Variants in PCSK5 observed in about 807,000 individuals in gnomAD.
PCSK5 encodes proprotein convertase subtilisin/kexin type 5, also known as prohormone convertase 5.
Under a neutral mutation model 233.2 loss-of-function variants are expected in PCSK5, and 129 were observed. The ratio of observed to expected loss-of-function variants is 0.55; its 90% confidence interval spans 0.48 to 0.64. The LOEUF (loss-of-function observed/expected upper bound fraction) is 0.64. Ranked by LOEUF, PCSK5 falls within the 30% of genes least tolerant of loss-of-function variation. PCSK5 has a pLI of 0.00. For missense variants in PCSK5, 2,076 were observed against 2,430.1 expected (o/e 0.85, Z 3.06); for synonymous variants, 825 against 879.2 (o/e 0.94, Z 1.09).
intron 24 of PCSK5, among the ~76,000 whole-genome samples, chr9:76,262,243 C>G (rs974932429): frequency 2.0e-4 from 30 of 152,104 alleles, no homozygotes; most frequent in Non-Finnish European, 2.9e-5. Context: ...ATCAAGCTAC[C>G]AATGACTTTC....
At chr9:76,302,068 G>A in intron 27 of PCSK5, 69 bp from the exon 28 acceptor site, 3 of 681,544 alleles carry the variant, frequency 4.4e-6, no homozygotes, top group South Asian at 3.3e-5. Context: ...GGGTTTATAG[G>A]TGAAGTTTAT....
At chr9:76,089,720 A>G (rs1220152436) in intron 7 of PCSK5, among the ~76,000 whole-genome samples, 3 of 152,208 alleles carry the variant, frequency 2.0e-5, no homozygotes, top group Non-Finnish European at 4.4e-5. Context: ...AATAAAACCT[A>G]ACTGCACTGA....
At chr9:76,172,797 G>A (rs7872197) in intron 13 of PCSK5, among the ~76,000 whole-genome samples, 7 of 152,228 alleles carry the variant, frequency 4.6e-5, no homozygotes, top group East Asian at 1.9e-4. Context: ...TCCCTAATGC[G>A]TGTTACTTAG....
At chr9:76,021,313 C>CAG (rs1348828718) in intron 3 of PCSK5, among the ~76,000 whole-genome samples, 1 of 151,722 alleles carries the variant, frequency 6.6e-6, no homozygotes, top group African/African-American at 2.4e-5. Flanking sequence ...TTGCATAGAA[C>CAG]AGAGAGAGAG....
intron 21 of PCSK5, among the ~76,000 whole-genome samples, chr9:76,229,382 C>T (rs1826003542): frequency 6.6e-6 from 1 of 152,182 alleles, no homozygotes; most frequent in African/African-American, 2.4e-5. Context: ...TCCTTAAAGA[C>T]AATTAAAAAC....
intron 10 of PCSK5, among the ~76,000 whole-genome samples, chr9:76,150,669 GA>G (rs1377433147): frequency 6.6e-6 from 1 of 152,114 alleles, no homozygotes; most frequent in Non-Finnish European, 1.5e-5. Flanking sequence ...CCAGGCAGCA[GA>G]ACACAGGTGC....
At chr9:76,164,944 A>G (rs1210323150) in intron 12 of PCSK5, among the ~76,000 whole-genome samples, 1 of 152,022 alleles carries the variant, frequency 6.6e-6, no homozygotes, top group Admixed American at 6.5e-5. Context: ...TTTTACCAAA[A>G]AAAAAAAAAC....
intron 8 of PCSK5, among the ~76,000 whole-genome samples, chr9:76,101,061 G>C (rs941907502): frequency 6.6e-6 from 1 of 151,984 alleles, no homozygotes; most frequent in Non-Finnish European, 1.5e-5. Flanking sequence ...TCCTTTACCC[G>C]GTTCAATTTT....
At chr9:76,296,570 G>T in intron 26 of PCSK5, 95 bp from the exon 27 acceptor site, 1 of 742,518 alleles carries the variant, frequency 1.3e-6, no homozygotes, top group South Asian at 1.7e-5. Context: ...CAAATGCAAA[G>T]AAAAATGTCC....
intron 17 of PCSK5, among the ~76,000 whole-genome samples, chr9:76,186,559 G>A (rs138609777): frequency 3.2e-3 from 490 of 152,220 alleles, no homozygotes; most frequent in African/African-American, 0.011. Flanking sequence ...CATTAGCCTC[G>A]CAGTACCTGT....
intron 9 of PCSK5, among the ~76,000 whole-genome samples, chr9:76,110,211 C>G (rs1458662671): frequency 1.3e-5 from 2 of 151,252 alleles, no homozygotes; most frequent in East Asian, 3.9e-4. Flanking sequence ...CACTGCCCTA[C>G]TCGCTGGGTA....
chr9:75,977,672 G>A (rs1447071623), intron 2 of PCSK5, among the ~76,000 whole-genome samples: 4 of 150,084 alleles, frequency 2.7e-5, no homozygotes, highest in East Asian at 2.0e-4. Context: ...GTGCAGTAGC[G>A]TGATCTCAGC....
At chr9:76,262,664 C>A (rs1200881795) in intron 24 of PCSK5, among the ~76,000 whole-genome samples, 1 of 151,524 alleles carries the variant, frequency 6.6e-6, no homozygotes, top group African/African-American at 2.4e-5. Flanking sequence ...GACCTAAAAC[C>A]ACAAAAACCC....
intron 10 of PCSK5, 63 bp from the exon 11 acceptor site, chr9:76,156,982 G>A: frequency 9.0e-7 from 1 of 1,114,340 alleles, no homozygotes; most frequent in Non-Finnish European, 1.4e-6. Flanking sequence ...GGTCTCTACT[G>A]AGTGACGTTA....
intron 20 of PCSK5, among the ~76,000 whole-genome samples, chr9:76,203,480 G>GC (rs1022574719): frequency 1.3e-5 from 2 of 151,612 alleles, no homozygotes; most frequent in Admixed American, 6.6e-5. Context: ...GGTAGAAGAA[G>GC]GCAAAACAAG....
intron 3 of PCSK5, among the ~76,000 whole-genome samples, chr9:75,995,357 T>A (rs1826967895): frequency 1.3e-5 from 2 of 152,204 alleles, no homozygotes; most frequent in African/African-American, 4.8e-5. Flanking sequence ...AAATGTGTGT[T>A]GAATGAATGA....
rs568217120 is a variant in PCSK5 at position 76,221,407 on chromosome 9, A to G, written c.2627-6096A>G. ...AATATCGTAGAAAGAGCATGGGCTC[A>G]GTCTCAGACACACCTGGGTCGCAGC... On this transcript the variant is annotated intron_variant, in intron 20 of 37. Coordinates refer to ENST00000674117, the MANE Select transcript of PCSK5 (RefSeq NM_001372043.1). 1.6e-4 allele frequency among the ~76,000 whole-genome samples: 24 copies of G among 152,360 alleles called. 1 individual carries two copies. Among genetic ancestry groups the G allele is most frequent in the Non-Finnish European group, 2.9e-4 (20 of 68,028 alleles).
At chr9:76,241,591 A>T (rs1826434162) in intron 24 of PCSK5, among the ~76,000 whole-genome samples, 1 of 152,212 alleles carries the variant, frequency 6.6e-6, no homozygotes, top group African/African-American at 2.4e-5. Flanking sequence ...CTTTAATTCA[A>T]GTCAGTGGCT....
chr9:75,944,165 AAAAG>A (rs1330072483), intron 2 of PCSK5, among the ~76,000 whole-genome samples: 2 of 151,308 alleles, frequency 1.3e-5, no homozygotes, highest in Admixed American at 6.6e-5. Flanking sequence ...TCTATCTCAA[AAAAG>A]AAAGAAAGAA....
Sources: allele counts gnomAD v4.1 joint callset (sites outside exome capture counted in the v4.1 genomes callset), GRCh38; gene constraint gnomAD v4.1.1; transcripts MANE v1.5; gene names NCBI Gene and HGNC (gene_info 2026-07-23, HGNC 2026-07-21).